The following TCF12 variants were observed in gnomAD, a reference collection of about 807,000 sequenced individuals.
The protein encoded by TCF12 is transcription factor 12.
A neutral mutation model predicts 86.0 loss-of-function variants in TCF12; 45 were observed. The ratio of observed to expected loss-of-function variants is 0.52; its 90% confidence interval spans 0.41 to 0.67. The LOEUF (loss-of-function observed/expected upper bound fraction) is 0.67. Ranked by LOEUF, TCF12 falls within the 30% of genes least tolerant of loss-of-function variation. The pLI is 0.00. For synonymous variants in TCF12, 330 were observed against 299.6 expected (o/e 1.10, Z -1.05); for missense variants, 881 against 859.9 (o/e 1.02, Z -0.31).
At chr15:57,177,607 C>CGAGAGA (rs1567572655) in intron 6 of TCF12, among the ~76,000 whole-genome samples, 2 of 5,002 alleles carry the variant, frequency 4.0e-4, no homozygotes, top group African/African-American at 9.0e-4. Context: ...TGTTAAAAGG[C>CGAGAGA]CAGAGAGAGA....
At chr15:57,057,048 GT>G (rs2068085234) in intron 3 of TCF12, among the ~76,000 whole-genome samples, 2 of 152,080 alleles carry the variant, frequency 1.3e-5, no homozygotes, top group Admixed American at 1.3e-4. Context: ...TGATTTATTT[GT>G]TTTAGTGAGC....
chr15:56,976,187 A>G (rs1181695028), intron 3 of TCF12, among the ~76,000 whole-genome samples: 1 of 148,320 alleles, frequency 6.7e-6, no homozygotes, highest in Non-Finnish European at 1.5e-5. Context: ...TAAGAACTGT[A>G]CCGTTGGACA....
chr15:57,139,059 A>C (rs779479530), intron 5 of TCF12, among the ~76,000 whole-genome samples: 2 of 152,158 alleles, frequency 1.3e-5, no homozygotes, highest in Admixed American at 1.3e-4. Flanking sequence ...CCTCTAGATA[A>C]GATCATATTT....
chr15:56,962,081 C>T (rs945442825), intron 3 of TCF12, among the ~76,000 whole-genome samples: 1 of 144,586 alleles, frequency 6.9e-6, no homozygotes, highest in Non-Finnish European at 1.5e-5. Context: ...TGCAGTGAGC[C>T]GAGACTGCGC....
chr15:57,226,220 T>C (rs1157973429), intron 8 of TCF12, among the ~76,000 whole-genome samples: 6 of 151,648 alleles, frequency 4.0e-5, no homozygotes, highest in East Asian at 1.9e-4. Flanking sequence ...TTTTTTTTTT[T>C]TCTCAAGGTT....
intron 3 of TCF12, among the ~76,000 whole-genome samples, chr15:56,951,306 T>G (rs1287320730): frequency 6.6e-6 from 1 of 152,224 alleles, no homozygotes; most frequent in African/African-American, 2.4e-5. Flanking sequence ...CTAATGATGT[T>G]GAGTATCTTT....
At chr15:57,192,477 C>T (rs2057036148) in intron 7 of TCF12, among the ~76,000 whole-genome samples, 184 bp downstream of exon 7, 2 of 152,144 alleles carry the variant, frequency 1.3e-5, no homozygotes, top group South Asian at 2.1e-4. Context: ...CAGTCTCAAC[C>T]TCCTGTGCTC....
intron 19 of TCF12, among the ~76,000 whole-genome samples, chr15:57,275,345 T>TGTGTGTGTGTGTGTGTGTGTGTGG: frequency 6.7e-6 from 1 of 149,224 alleles, no homozygotes; most frequent in Non-Finnish European, 1.5e-5. Context: ...TGTGTGTGTG[T>TGTGTGTGTGTGTGTGTGTGTGTGG]GTGTGTGTGT....
At chr15:57,057,232 G>T (rs1250443835) in intron 3 of TCF12, among the ~76,000 whole-genome samples, 1 of 152,102 alleles carries the variant, frequency 6.6e-6, no homozygotes, top group Non-Finnish European at 1.5e-5. Context: ...CAAAAATTTG[G>T]GACCTCTCTT....
chr15:57,275,830 A>C (rs1165903144), intron 19 of TCF12, among the ~76,000 whole-genome samples: 1 of 152,160 alleles, frequency 6.6e-6, no homozygotes, highest in Non-Finnish European at 1.5e-5. Flanking sequence ...ACCAGGAGGC[A>C]AGCAGACCCA....
intron 8 of TCF12, among the ~76,000 whole-genome samples, chr15:57,203,215 T>G (rs1037125682): frequency 2.6e-5 from 4 of 152,200 alleles, no homozygotes; most frequent in African/African-American, 9.6e-5. Context: ...CCCCTAGAAT[T>G]CATTCTAATT....
intron 6 of TCF12, among the ~76,000 whole-genome samples, chr15:57,187,182 A>T (rs1199221858): frequency 6.6e-6 from 1 of 152,098 alleles, no homozygotes; most frequent in Non-Finnish European, 1.5e-5. Flanking sequence ...CTCCAAAAAA[A>T]AAAAAAAGAT....
chr15:57,278,807 C>G (rs1289563189), intron 19 of TCF12: 3 of 148,852 alleles, frequency 2.0e-5, no homozygotes, highest in Non-Finnish European at 3.0e-5. Context: ...CCGTCCCTGT[C>G]TCTCCTTTTC....
intron 3 of TCF12, among the ~76,000 whole-genome samples, chr15:56,979,508 A>G (rs1467870632): frequency 2.6e-5 from 4 of 152,204 alleles, no homozygotes; most frequent in African/African-American, 9.6e-5. Context: ...ATATGCTTAT[A>G]AACTATGGAA....
At chr15:57,259,664 G>T (rs1216148493) in intron 16 of TCF12, among the ~76,000 whole-genome samples, 1 of 152,192 alleles carries the variant, frequency 6.6e-6, no homozygotes, top group African/African-American at 2.4e-5. Flanking sequence ...TTGAAACGTG[G>T]AGGGTAGCAG....
intron 5 of TCF12, among the ~76,000 whole-genome samples, chr15:57,153,073 C>A (rs574993692): frequency 6.6e-6 from 1 of 152,158 alleles, no homozygotes; most frequent in African/African-American, 2.4e-5. Context: ...TGTGTCAACC[C>A]GGAATTATTT....
At position 57,243,665 on chromosome 15, in the gene TCF12, C is replaced by G. The variant is rs547064324; in HGVS notation, c.1114+115C>G. On this transcript the variant is annotated intron_variant, in intron 13 of 20. Transcript: ENST00000333725. ...TTGTGAAAAATCATTTAGATTTTGACTATAAGAAAGTGTGTAAAGAGAGCC... is the reference window on the plus strand; with the variant it reads ...TTGTGAAAAATCATTTAGATTTTGAGTATAAGAAAGTGTGTAAAGAGAGCC... The G allele has an allele frequency of 8.9e-5, 80 of 894,130 alleles. 3 individuals carry two copies. The East Asian group carries it at 2.0e-3, about 23-fold the overall frequency. 55.4% of individuals were successfully genotyped at this position (894,130 alleles called of 1,614,324 possible). A position where few individuals can be genotyped will look rare whatever the true frequency, so the allele number is the denominator to read the frequency against.
chr15:56,937,515 G>C (rs1184964261), intron 3 of TCF12, among the ~76,000 whole-genome samples: 2 of 151,918 alleles, frequency 1.3e-5, no homozygotes, highest in African/African-American at 4.8e-5. Context: ...GCAACAGTTT[G>C]ACTTCTTTAC....
At chr15:57,061,176 T>A (rs2068432836) in intron 3 of TCF12, among the ~76,000 whole-genome samples, 1 of 152,200 alleles carries the variant, frequency 6.6e-6, no homozygotes, top group South Asian at 2.1e-4. Context: ...AGAAGTAGAG[T>A]CACTTGATGA....
Sources: allele counts gnomAD v4.1 joint callset (sites outside exome capture counted in the v4.1 genomes callset), GRCh38; gene constraint gnomAD v4.1.1; transcripts MANE v1.5; gene names NCBI Gene and HGNC (gene_info 2026-07-23, HGNC 2026-07-21).